The following SASH1 variants were observed in gnomAD, a reference collection of about 807,000 sequenced individuals.
The protein encoded by SASH1 is SAM and SH3 domain containing 1, also known as SAM and SH3 domain-containing protein 1.
SASH1 carries 44 observed loss-of-function variants against 125.2 expected under a neutral mutation model. The ratio of observed to expected loss-of-function variants is 0.35; its 90% CI spans 0.28 to 0.45. The LOEUF (loss-of-function observed/expected upper bound fraction) is 0.45. Among genes scored for constraint, SASH1 ranks in the 20% least tolerant of loss-of-function variants. The probability of loss-of-function intolerance (pLI) is 1.00; values close to 1 mark genes in which losing one functional copy is unlikely to be tolerated. For synonymous variants in SASH1, 639 were observed against 649.1 expected (o/e 0.98, Z 0.24); for missense variants, 1,426 against 1,614.5 (o/e 0.88, Z 2.00).
rs187246483 is a variant in SASH1, at chr6:148,526,089, C to T, written c.1284+724C>T. Among the ~76,000 whole-genome samples the T allele has an allele frequency of 4.1e-3, 541 of 131,814 alleles. 7 individuals are homozygous for T. Among genetic ancestry groups the T allele is most frequent in the African/African-American group, 0.015 (517 of 34,820 alleles). 86.5% of individuals were successfully genotyped at this position (131,814 alleles called of 152,430 possible). A position where few individuals can be genotyped will look rare whatever the true frequency, so the allele number is the denominator to read the frequency against. ...TTTTTTTTTTTTTAAGATGGAGTCT[C>T]GCTCTGTAGCCCAGACTGGAGTGTA... On this transcript the variant is annotated intron_variant, in intron 11 of 19. Coordinates refer to ENST00000367467, the MANE Select transcript of SASH1 (RefSeq NM_015278.5).
intron 2 of SASH1, among the ~76,000 whole-genome samples, chr6:148,393,154 C>T (rs571064851): frequency 1.4e-5 from 2 of 146,522 alleles, no homozygotes; most frequent in Non-Finnish European, 3.0e-5. Flanking sequence ...TCAACTGATT[C>T]TCCTGCCTCA....
intron 6 of SASH1, among the ~76,000 whole-genome samples, chr6:148,472,806 AGACTCTTTCC>A (rs745780820): frequency 1.3e-5 from 2 of 152,228 alleles, no homozygotes; most frequent in Non-Finnish European, 2.9e-5. Flanking sequence ...GTCTACAGGC[AGACTCTTTCC>A]CTCTGTCTCT....
chr6:148,383,660 G>T (rs1163752449), intron 1 of SASH1, among the ~76,000 whole-genome samples: 1 of 151,944 alleles, frequency 6.6e-6, no homozygotes, highest in Non-Finnish European at 1.5e-5. Context: ...TCCTGAATCT[G>T]TCAACTTATT....
chr6:148,352,468 G>T (rs1343996666), intron 1 of SASH1, among the ~76,000 whole-genome samples: 1 of 151,972 alleles, frequency 6.6e-6, no homozygotes, highest in African/African-American at 2.4e-5. Context: ...ATAGTGGCAG[G>T]CGCCTGTAGT....
At chr6:148,330,544 A>G (rs1780962506) in intron 1 of SASH1, among the ~76,000 whole-genome samples, 1 of 152,188 alleles carries the variant, frequency 6.6e-6, no homozygotes, top group Non-Finnish European at 1.5e-5. Flanking sequence ...GGAAACAGTT[A>G]ACAATCTCTG....
chr6:148,497,932 T>C (rs760204466), intron 8 of SASH1, among the ~76,000 whole-genome samples: 91 of 152,282 alleles, frequency 6.0e-4, no homozygotes, highest in Middle Eastern at 3.4e-3. Flanking sequence ...ATGGAGTGTG[T>C]GGGTGTGTGT....
intron 1 of SASH1, among the ~76,000 whole-genome samples, chr6:148,286,753 T>C (rs1779493018): frequency 6.6e-6 from 1 of 152,118 alleles, no homozygotes; most frequent in Non-Finnish European, 1.5e-5. Flanking sequence ...TAAAACTCTG[T>C]CTCCAATTAC....
In SASH1 at chr6:148,356,666, G is replaced by A. The variant is rs1435615345; in HGVS notation, c.156+13443G>A. The stretch of plus-strand genomic sequence containing the variant: ...TGTATTTTTAGTAGAGACAGGCCAG[G>A]CTGGTCTCGAGCTCCTGACCTCAGG... On this transcript the variant is annotated intron_variant, in intron 1 of 19. Coordinates refer to ENST00000367467, the MANE Select transcript of SASH1 (RefSeq NM_015278.5). Among the ~76,000 whole-genome samples the A allele has an allele frequency of 2.0e-5, 3 of 152,010 alleles. 1 individual carries two copies. In the East Asian group the frequency reaches 5.8e-4, roughly 29 times the overall value.
intron 2 of SASH1, among the ~76,000 whole-genome samples, chr6:148,406,169 C>G (rs1183757319): frequency 1.3e-5 from 2 of 152,130 alleles, no homozygotes; most frequent in Non-Finnish European, 2.9e-5. Context: ...TGAACACAAG[C>G]CAGCATTTTA....
the SASH1 span, among the ~76,000 whole-genome samples, chr6:148,198,612 A>C: frequency 6.6e-6 from 1 of 152,246 alleles, no homozygotes; most frequent in Non-Finnish European, 1.5e-5. Flanking sequence ...ACTGGAACAC[A>C]AATGATGAAA....
intron 1 of SASH1, among the ~76,000 whole-genome samples, chr6:148,358,762 G>A (rs1164034754): frequency 7.3e-6 from 1 of 137,102 alleles, no homozygotes; most frequent in African/African-American, 2.7e-5. Context: ...TTGAGACGGA[G>A]TCTCCCTTCA....
At chr6:148,417,237 A>G (rs891406274) in intron 2 of SASH1, among the ~76,000 whole-genome samples, 10 of 152,190 alleles carry the variant, frequency 6.6e-5, no homozygotes, top group African/African-American at 2.4e-4. Flanking sequence ...GAAGCCTGTT[A>G]TCAGCCCTGG....
chr6:148,385,026 A>G (rs932669874), intron 1 of SASH1, among the ~76,000 whole-genome samples: 5 of 152,234 alleles, frequency 3.3e-5, no homozygotes, highest in Non-Finnish European at 7.3e-5. Flanking sequence ...ACCCACTCTT[A>G]AAAACACACA....
At chr6:148,460,257 A>G (rs545132709) in intron 4 of SASH1, among the ~76,000 whole-genome samples, 2 of 152,200 alleles carry the variant, frequency 1.3e-5, no homozygotes, top group African/African-American at 2.4e-5. Context: ...GACATCTTAT[A>G]TAGAAGGAAT....
intron 9 of SASH1, 99 bp downstream of exon 9, chr6:148,514,555 G>A (rs1234561766): frequency 5.8e-5 from 77 of 1,334,250 alleles, no homozygotes; most frequent in Non-Finnish European, 7.0e-5. Flanking sequence ...AAAGGGATAC[G>A]ATTTCAAGTG....
the SASH1 span, among the ~76,000 whole-genome samples, chr6:148,248,872 C>T: frequency 1.3e-5 from 2 of 152,186 alleles, no homozygotes; most frequent in African/African-American, 4.8e-5. Flanking sequence ...CAGTGAGGAC[C>T]ACTGTGGATG....
chr6:148,423,576 T>A (rs983225441), intron 2 of SASH1, among the ~76,000 whole-genome samples: 1 of 152,208 alleles, frequency 6.6e-6, no homozygotes, highest in Non-Finnish European at 1.5e-5. Flanking sequence ...ATTTTGTAAA[T>A]CCCTTATTCA....
intron 1 of SASH1, among the ~76,000 whole-genome samples, chr6:148,335,363 GC>G (rs1316804199): frequency 6.6e-6 from 1 of 151,098 alleles, no homozygotes; most frequent in East Asian, 2.0e-4. Context: ...TACTCAGGAG[GC>G]TGAGGCAGGG....
chr6:148,461,981 C>A (rs1344446223), intron 4 of SASH1, among the ~76,000 whole-genome samples: 1 of 152,088 alleles, frequency 6.6e-6, no homozygotes, highest in Non-Finnish European at 1.5e-5. Flanking sequence ...TTTAACCTTC[C>A]CCTGCCTCCC....
Sources: allele counts gnomAD v4.1 joint callset (sites outside exome capture counted in the v4.1 genomes callset), GRCh38; gene constraint gnomAD v4.1.1; transcripts MANE v1.5; gene names NCBI Gene and HGNC (gene_info 2026-07-23, HGNC 2026-07-21).